The following KANK1 variants were observed in gnomAD, a reference collection of about 807,000 sequenced individuals.
The protein encoded by KANK1 is KN motif and ankyrin repeat domain-containing protein 1.
In KANK1, 109 loss-of-function variants were observed where a neutral mutation model predicts 106.2. That is an observed-to-expected ratio of 1.03 (90% CI 0.88 to 1.20). KANK1 has a LOEUF of 1.20. Ranked by LOEUF, KANK1 falls within the 50% of genes most tolerant of loss-of-function variation. KANK1 has a pLI of 0.00. For missense variants in KANK1, 2,399 were observed against 1,710.7 expected (o/e 1.40, Z -7.10); for synonymous variants, 873 against 652.2 (o/e 1.34, Z -5.16).
At chr9:504,046 G>A (rs1168941278), upstream of KANK1, among the ~76,000 whole-genome samples, 1 of 152,174 alleles carries the variant, frequency 6.6e-6, no homozygotes, top group Non-Finnish European at 1.5e-5. Flanking sequence ...GGCCGCCGGG[G>A]CGACCGTGCT....
intron 1 of KANK1, among the ~76,000 whole-genome samples, chr9:523,484 A>G (rs528423057): frequency 5.9e-5 from 9 of 151,870 alleles, no homozygotes; most frequent in African/African-American, 2.2e-4. Context: ...TCTTTTAAAA[A>G]CAAAAGTCAC....
chr9:533,993 G>A (rs1036546615), intron 1 of KANK1, among the ~76,000 whole-genome samples: 1 of 152,198 alleles, frequency 6.6e-6, no homozygotes, highest in African/African-American at 2.4e-5. Context: ...AATAATGTAA[G>A]TCACCCAGAC....
At chr9:655,553 G>A (rs1342048704) in intron 1 of KANK1, among the ~76,000 whole-genome samples, 1 of 152,158 alleles carries the variant, frequency 6.6e-6, no homozygotes, top group Admixed American at 6.5e-5. Context: ...GATTGATTCT[G>A]TAGGTCTAGG....
intron 1 of KANK1, among the ~76,000 whole-genome samples, chr9:644,355 A>G (rs1281248272): frequency 6.6e-6 from 1 of 150,976 alleles, no homozygotes; most frequent in African/African-American, 2.5e-5. Context: ...AGAAGCATTA[A>G]TTAGTCCGTT....
At position 540,831 on chromosome 9, in the gene KANK1, T is replaced by C. The variant is rs1403276185; in HGVS notation, c.-84+36077T>C. ...TATATTTGTCTATAGTAGTATCTTA[T>C]ATAATCCTTTGTATTTTTGTGGTAT... On this transcript the variant is annotated intron_variant, in intron 1 of 11. Coordinates refer to ENST00000382297, the MANE Select transcript of KANK1 (RefSeq NM_015158.5). 3.3e-5 allele frequency among the ~76,000 whole-genome samples: 5 copies of C among 152,244 alleles called. 1 individual carries two copies. In the East Asian group the frequency reaches 5.8e-4, roughly 18 times the overall value.
rs750219900 is a variant in KANK1, at chr9:712,714, G to A, written c.1948G>A (p.Val650Met). The change falls in exon 3 of 12, where the codon GTG (valine) becomes ATG (methionine). Residue 650 changes from valine to methionine, a missense_variant. Physicochemically the swap from Val to Met is conservative, Grantham distance 21. Coordinates refer to ENST00000382297, the MANE Select transcript of KANK1 (RefSeq NM_015158.5). ...TCCAAAGGAGTGCGCCTCCCGGGGC[G>A]TGAACACTGAGGCTGTTAGCCAGGT... ...CSPKECASRG[V>M]NTEAVSQVEA... The A allele has an allele frequency of 2.3e-5, 37 of 1,613,810 alleles. No individual in the cohort carries two copies. Among genetic ancestry groups the A allele is most frequent in the African/African-American group, 4.0e-5 (3 of 74,918 alleles).
chr9:518,517 A>G (rs1342532335), intron 1 of KANK1, among the ~76,000 whole-genome samples: 3 of 151,670 alleles, frequency 2.0e-5, no homozygotes, highest in African/African-American at 7.3e-5. Flanking sequence ...TGGGTTCTAG[A>G]ATCGAAACTC....
At chr9:545,970 A>G (rs768217396) in intron 1 of KANK1, among the ~76,000 whole-genome samples, 2 of 151,346 alleles carry the variant, frequency 1.3e-5, no homozygotes, top group Non-Finnish European at 2.9e-5. Flanking sequence ...CTGGTCTCGA[A>G]CTCCTGACCT....
chr9:594,491 A>G (rs1287079726), intron 1 of KANK1, among the ~76,000 whole-genome samples: 1 of 151,886 alleles, frequency 6.6e-6, no homozygotes, highest in Non-Finnish European at 1.5e-5. Flanking sequence ...AAGTCTCTAA[A>G]TCCTCCACCT....
chr9:710,770 A>G (rs1344169562), intron 2 of KANK1, 34 bp from the exon 3 acceptor site: 9 of 1,533,024 alleles, frequency 5.9e-6, no homozygotes, highest in Admixed American at 2.1e-5. Context: ...GGTGTATTGC[A>G]TGTCATTATA....
intron 3 of KANK1, among the ~76,000 whole-genome samples, chr9:727,680 A>ATGTGTGTGTGTG (rs55997819): frequency 0.02 from 2,757 of 139,702 alleles, 84 homozygotes; most frequent in African/African-American, 0.067. Context: ...ATAACTTTTC[A>ATGTGTGTGTGTG]TGTGTGTGTG....
chr9:606,975 A>T lies in KANK1; in HGVS notation c.-83-69915A>T, dbSNP rs534493147. 1.8e-4 allele frequency among the ~76,000 whole-genome samples: 25 copies of T among 139,114 alleles called. 1 individual carries two copies. The highest frequency in any genetic ancestry group is 6.2e-4 in the African/African-American group (23 of 37,390). 91.3% of individuals were successfully genotyped at this position (139,114 alleles called of 152,430 possible). A position where few individuals can be genotyped will look rare whatever the true frequency, so the allele number is the denominator to read the frequency against. On this transcript the variant is annotated intron_variant, in intron 1 of 11. Transcript: ENST00000382297. Reference sequence around the variant, plus strand: ...TAGTGAAGTGTAGTTGCCCGTTCACATTTTTATTTTTTTAAGTATTTTATG... The same window carrying T: ...TAGTGAAGTGTAGTTGCCCGTTCACTTTTTTATTTTTTTAAGTATTTTATG...
At chr9:672,365 T>G (rs1252538893) in intron 1 of KANK1, among the ~76,000 whole-genome samples, 2 of 152,336 alleles carry the variant, frequency 1.3e-5, no homozygotes, top group East Asian at 3.9e-4. Context: ...GTATGCATTT[T>G]TCTCATATGG....
intron 2 of KANK1, among the ~76,000 whole-genome samples, chr9:710,121 G>A (rs1825529865): frequency 6.6e-6 from 1 of 152,132 alleles, no homozygotes; most frequent in South Asian, 2.1e-4. Context: ...CTATTTGGGT[G>A]ATGTGTACAC....
At chr9:510,121 C>T (rs552149948) in intron 1 of KANK1, among the ~76,000 whole-genome samples, 2 of 152,092 alleles carry the variant, frequency 1.3e-5, no homozygotes, top group Admixed American at 6.6e-5. Flanking sequence ...TCTAAGAAAT[C>T]TTTAAATTGC....
chr9:536,182 T>G (rs976147471), intron 1 of KANK1, among the ~76,000 whole-genome samples: 3 of 151,582 alleles, frequency 2.0e-5, no homozygotes, highest in Non-Finnish European at 4.4e-5. Flanking sequence ...TACTAAAAAA[T>G]ATAAAAAAAA....
chr9:736,045 C>A (rs568658138), intron 7 of KANK1, among the ~76,000 whole-genome samples: 1 of 152,270 alleles, frequency 6.6e-6, no homozygotes, highest in African/African-American at 2.4e-5. Flanking sequence ...GCAAGCTCCG[C>A]CTCCCGGGTT....
chr9:690,721 C>T (rs972935900), intron 2 of KANK1, among the ~76,000 whole-genome samples: 1 of 152,190 alleles, frequency 6.6e-6, no homozygotes, highest in Non-Finnish European at 1.5e-5. Flanking sequence ...GGAGCAGGCT[C>T]TCTGGGGGAA....
intron 3 of KANK1, among the ~76,000 whole-genome samples, chr9:729,497 A>ATC (rs1448227200): frequency 1.4e-4 from 22 of 152,240 alleles, no homozygotes; most frequent in African/African-American, 4.8e-4. Flanking sequence ...AGAGACCCGC[A>ATC]TCTCTATACA....
Sources: gnomAD v4.1 joint callset for allele counts (sites outside exome capture counted in the v4.1 genomes callset) on GRCh38, gnomAD v4.1.1 for gene constraint, MANE v1.5 for transcripts, NCBI Gene and HGNC (gene_info 2026-07-23, HGNC 2026-07-21) for gene names.